ATP11B: variants seen among roughly 807,000 people sequenced by gnomAD.
The protein encoded by ATP11B is phospholipid-transporting ATPase IF.
In ATP11B, 81 loss-of-function variants were observed where a neutral mutation model predicts 157.8. The ratio of observed to expected loss-of-function variants is 0.51; its 90% CI spans 0.43 to 0.62. ATP11B has a LOEUF of 0.62. Among genes scored for constraint, ATP11B ranks in the 20% least tolerant of loss-of-function variants. The pLI, the probability that ATP11B is intolerant of heterozygous loss-of-function variation, is 0.00. For synonymous variants in ATP11B, 451 were observed against 469.4 expected, an observed-to-expected ratio of 0.96 and a Z score of 0.51; for missense variants, 1,165 against 1,402.2, an observed-to-expected ratio of 0.83 and a Z score of 2.70.
At chr3:182,817,390 C>A (rs923409777) in intron 1 of ATP11B, among the ~76,000 whole-genome samples, 1 of 152,092 alleles carries the variant, frequency 6.6e-6, no homozygotes, top group East Asian at 1.9e-4. Context: ...AAGCAGTTCC[C>A]CTGCCACAGC....
intron 4 of ATP11B, among the ~76,000 whole-genome samples, chr3:182,832,057 C>T (rs1290911209): frequency 6.6e-6 from 1 of 151,896 alleles, no homozygotes; most frequent in African/African-American, 2.4e-5. Flanking sequence ...TATATTTGGC[C>T]AAATATGGAC....
At chr3:182,871,209 G>T (rs1721634977) in intron 17 of ATP11B, among the ~76,000 whole-genome samples, 1 of 150,448 alleles carries the variant, frequency 6.6e-6, no homozygotes, top group South Asian at 2.1e-4. Flanking sequence ...GAGGCAGCAG[G>T]ATCACTTGAG....
chr3:182,898,820 T>TG, intron 28 of ATP11B, 48 bp downstream of exon 28: 1 of 1,246,202 alleles, frequency 8.0e-7, no homozygotes. Context: ...TTAGGGATCT[T>TG]TAATAATGAA....
chr3:182,916,879 A>G (rs1215289525), intron 29 of ATP11B: 1 of 982,700 alleles, frequency 1.0e-6, no homozygotes, highest in African/African-American at 1.7e-5. Flanking sequence ...GTTATAGTTA[A>G]AAGCATACTT....
At chr3:182,824,725 T>C (rs893297271) in intron 2 of ATP11B, among the ~76,000 whole-genome samples, 1 of 152,214 alleles carries the variant, frequency 6.6e-6, no homozygotes, top group African/African-American at 2.4e-5. Flanking sequence ...CCTTTTTAAA[T>C]GTTTACGGTA....
At chr3:182,877,744 G>C (rs543305610) in intron 19 of ATP11B, among the ~76,000 whole-genome samples, 2 of 152,092 alleles carry the variant, frequency 1.3e-5, no homozygotes, top group Non-Finnish European at 2.9e-5. Flanking sequence ...GCCAGGGAGT[G>C]GTATAGATGG....
chr3:182,859,468 C>A, intron 12 of ATP11B, 109 bp downstream of exon 12: 1 of 921,544 alleles, frequency 1.1e-6, no homozygotes, highest in African/African-American at 1.7e-5. Context: ...CCAAAAACAA[C>A]CCCCCTTTGC....
chr3:182,799,864 G>A (rs987133035), intron 1 of ATP11B, among the ~76,000 whole-genome samples: 2 of 152,070 alleles, frequency 1.3e-5, no homozygotes, highest in South Asian at 4.2e-4. Context: ...CTGTAACCTC[G>A]GCACTTTGGG....
At chr3:182,906,924 T>G (rs978716316) in intron 28 of ATP11B, among the ~76,000 whole-genome samples, 1 of 151,634 alleles carries the variant, frequency 6.6e-6, no homozygotes, top group African/African-American at 2.4e-5. Flanking sequence ...CCGTCTCTAC[T>G]AAAAATACAA....
rs1441324856 is a variant in ATP11B at position 182,921,594 on chromosome 3, A to AAGTT, written c.*3492_*3495dup. 2.6e-5 allele frequency: 4 copies of AAGTT among 152,196 alleles called. No individual in the cohort carries two copies. Among genetic ancestry groups the AAGTT allele is most frequent in the African/African-American group, 9.7e-5 (4 of 41,438 alleles). 9.4% of individuals were successfully genotyped at this position (152,196 alleles called of 1,614,324 possible). ...TACTCATAATTTTTTAAAGTTTATG[A>AAGTT]AGTTATATTTATCAAATAAAAACTT... On this transcript the variant is annotated 3_prime_UTR_variant, in exon 30 of 30. Coordinates refer to ENST00000323116, the MANE Select transcript of ATP11B (RefSeq NM_014616.3).
intron 28 of ATP11B, among the ~76,000 whole-genome samples, chr3:182,909,121 A>T (rs1248165916): frequency 6.6e-6 from 1 of 152,230 alleles, no homozygotes; most frequent in East Asian, 1.9e-4. Context: ...AAAATTTATA[A>T]GATTTAAGGA....
intron 28 of ATP11B, among the ~76,000 whole-genome samples, chr3:182,902,945 AT>A (rs202171926): frequency 5.3e-5 from 8 of 151,628 alleles, no homozygotes; most frequent in African/African-American, 1.2e-4. Flanking sequence ...AGAGTTGCCC[AT>A]TTTTTTTATC....
At chr3:182,915,635 T>G in intron 29 of ATP11B, 1 of 964,350 alleles carries the variant, frequency 1.0e-6, no homozygotes, top group South Asian at 4.8e-5. Context: ...AAACTAGAAT[T>G]AATTTTAAAT....
chr3:182,837,160 A>G lies in ATP11B; in HGVS notation c.642A>G (p.Glu214=). ...CTGTAATAGAATGCCAGCAACCAGA[A>G]GCAGACTTATACAGGTATGGTGTGA... ...LVAVIECQQP[E]ADLYRFMGRM... Residue 214 remains glutamate, a synonymous_variant, in exon 7 of 30, where the codon GAA becomes GAG. Coordinates refer to ENST00000323116, the MANE Select transcript of ATP11B (RefSeq NM_014616.3). 1 of 1,610,282 alleles carries G rather than the reference A, an allele frequency of 6.2e-7. No homozygotes were observed. The highest frequency in any genetic ancestry group is 8.5e-7 in the Non-Finnish European group (1 of 1,176,722).
chr3:182,881,029 G>A, intron 21 of ATP11B, 48 bp downstream of exon 21: 2 of 1,354,886 alleles, frequency 1.5e-6, no homozygotes, highest in Non-Finnish European at 2.0e-6. Context: ...TAAAGTTGGT[G>A]GTATTATTTG....
Position 182,853,472 on chromosome 3 carries a change from T to C in ATP11B, c.852-4406T>C, listed in dbSNP as rs144250414. Among the ~76,000 whole-genome samples the C allele has an allele frequency of 3.2e-4, 48 of 152,190 alleles. No homozygotes were observed. In the East Asian group the frequency reaches 3.9e-3, roughly 12 times the overall value. On this transcript the variant is annotated intron_variant, in intron 10 of 29. Coordinates refer to ENST00000323116, the MANE Select transcript of ATP11B (RefSeq NM_014616.3). Reference sequence around the variant, plus strand: ...CCGCCTACCTCGGCCTCCCTGCAGGTGTGAGCCACTGTGCCCGGCCAATAA... The same window carrying C: ...CCGCCTACCTCGGCCTCCCTGCAGGCGTGAGCCACTGTGCCCGGCCAATAA...
chr3:182,807,554 A>C (rs929118144), intron 1 of ATP11B, among the ~76,000 whole-genome samples: 4 of 152,198 alleles, frequency 2.6e-5, no homozygotes, highest in African/African-American at 9.7e-5. Context: ...TGGGAGCTCA[A>C]AAATTATTTT....
intron 1 of ATP11B, among the ~76,000 whole-genome samples, chr3:182,801,073 A>G (rs1038849602): frequency 1.3e-5 from 2 of 152,158 alleles, no homozygotes; most frequent in African/African-American, 4.8e-5. Context: ...GAGTGCTGGG[A>G]TTACAGGTGT....
chr3:182,890,969 A>G (rs951940856), intron 25 of ATP11B, among the ~76,000 whole-genome samples: 2 of 152,200 alleles, frequency 1.3e-5, no homozygotes, highest in African/African-American at 2.4e-5. Flanking sequence ...GCACACCAAC[A>G]TGGCACATGT....
Sources: allele counts gnomAD v4.1 joint callset (sites outside exome capture counted in the v4.1 genomes callset), GRCh38; gene constraint gnomAD v4.1.1; transcripts MANE v1.5; gene names NCBI Gene and HGNC (gene_info 2026-07-23, HGNC 2026-07-21).